The following TTC28 variants were observed in gnomAD, a reference collection of about 807,000 sequenced individuals.
TTC28 encodes tetratricopeptide repeat domain 28, also known as tetratricopeptide repeat protein 28.
In TTC28, 61 loss-of-function variants were observed where a neutral mutation model predicts 198.0. The ratio of observed to expected loss-of-function variants is 0.31; its 90% CI spans 0.25 to 0.38. TTC28 has a LOEUF of 0.38. Ranked by LOEUF, TTC28 falls within the 10% of genes least tolerant of loss-of-function variation. The probability of loss-of-function intolerance (pLI) is 1.00; values close to 1 mark genes in which losing one functional copy is unlikely to be tolerated. For synonymous variants in TTC28, 1,171 were observed against 1,297.8 expected (o/e 0.90, Z 2.10); for missense variants, 2,678 against 3,164.0 (o/e 0.85, Z 3.69).
At chr22:28,458,521 A>T (rs2047898314) in intron 2 of TTC28, among the ~76,000 whole-genome samples, 1 of 152,198 alleles carries the variant, frequency 6.6e-6, no homozygotes, top group African/African-American at 2.4e-5. Flanking sequence ...AAAACATCTA[A>T]GATATGTTCC....
intron 5 of TTC28, among the ~76,000 whole-genome samples, chr22:28,188,644 G>A (rs1473477044): frequency 1.3e-5 from 2 of 152,258 alleles, no homozygotes; most frequent in African/African-American, 2.4e-5. Flanking sequence ...GCCGTGGGGG[G>A]TCAGTGAAAG....
intron 5 of TTC28, among the ~76,000 whole-genome samples, chr22:28,276,913 A>C (rs929682755): frequency 6.6e-6 from 1 of 152,184 alleles, no homozygotes; most frequent in Non-Finnish European, 1.5e-5. Flanking sequence ...TAAAATACTT[A>C]TATTAGTATT....
chr22:28,498,085 C>G (rs2048480915), intron 2 of TTC28, among the ~76,000 whole-genome samples: 1 of 151,472 alleles, frequency 6.6e-6, no homozygotes, highest in Non-Finnish European at 1.5e-5. Context: ...GATTAGTATT[C>G]CATCTTAAAC....
intron 2 of TTC28, among the ~76,000 whole-genome samples, chr22:28,621,742 TAAAAAAA>T (rs771463983): frequency 2.4e-3 from 183 of 76,158 alleles, no homozygotes; most frequent in Non-Finnish European, 2.7e-3. Context: ...GACTGTCTCT[TAAAAAAA>T]AAAAAAAAAA....
intron 2 of TTC28, among the ~76,000 whole-genome samples, chr22:28,624,006 C>CA (rs926493920): frequency 2.1e-4 from 32 of 149,848 alleles, no homozygotes; most frequent in Non-Finnish European, 3.3e-4. Flanking sequence ...AAAGTAAATG[C>CA]AAAAAAAAGT....
At chr22:28,658,445 G>T (rs922696054) in intron 1 of TTC28, among the ~76,000 whole-genome samples, 3 of 152,008 alleles carry the variant, frequency 2.0e-5, no homozygotes, top group Non-Finnish European at 4.4e-5. Context: ...AATTGCTTTG[G>T]GTTCACAAAC....
chr22:28,672,973 A>G (rs1053974479), intron 1 of TTC28, among the ~76,000 whole-genome samples: 1 of 152,226 alleles, frequency 6.6e-6, no homozygotes, highest in African/African-American at 2.4e-5. Context: ...TAAATAATTG[A>G]TTGTAATGAG....
intron 5 of TTC28, among the ~76,000 whole-genome samples, chr22:28,233,431 A>G (rs1201424068): frequency 6.6e-6 from 1 of 152,158 alleles, no homozygotes; most frequent in Admixed American, 6.6e-5. Context: ...TTAATGTATT[A>G]TTTATACACT....
chr22:28,658,137 C>G (rs573542759), intron 1 of TTC28, among the ~76,000 whole-genome samples: 253 of 152,090 alleles, frequency 1.7e-3, no homozygotes, highest in African/African-American at 5.8e-3. Flanking sequence ...TTATTATGTA[C>G]AAAAAGTAAT....
chr22:28,584,255 T>C (rs2050277317), intron 2 of TTC28, among the ~76,000 whole-genome samples: 1 of 152,176 alleles, frequency 6.6e-6, no homozygotes, highest in Non-Finnish European at 1.5e-5. Flanking sequence ...TCCAACATAA[T>C]GACAAAAGTA....
rs2048139561 is a variant in TTC28 at position 28,474,772 on chromosome 22, C to A, written c.381+154780G>T. Among the ~76,000 whole-genome samples the A allele has an allele frequency of 1.3e-5, 2 of 152,098 alleles. 1 individual carries two copies. Among genetic ancestry groups the A allele is most frequent in the South Asian group, 4.1e-4 (2 of 4,826 alleles). ...ATTGGCCCTGCCCTTGCTCAGAGAG[C>A]TTGCATTAAGTTTTATTGTACCTCA... is the stretch of plus-strand genomic sequence containing the variant. On this transcript the variant is annotated intron_variant, in intron 2 of 22. Transcript: ENST00000397906.
intron 2 of TTC28, among the ~76,000 whole-genome samples, chr22:28,431,754 T>C (rs2047432743): frequency 6.6e-6 from 1 of 150,476 alleles, no homozygotes; most frequent in Non-Finnish European, 1.5e-5. Context: ...AAGGCAGGCA[T>C]ATCACTTGAG....
At chr22:28,126,425 C>T (rs1447588321) in intron 6 of TTC28, among the ~76,000 whole-genome samples, 1 of 152,200 alleles carries the variant, frequency 6.6e-6, no homozygotes. Context: ...ATCCTGCTCT[C>T]TACAATGGTT....
intron 2 of TTC28, among the ~76,000 whole-genome samples, chr22:28,528,618 C>G (rs1007587993): frequency 2.6e-5 from 4 of 151,174 alleles, no homozygotes; most frequent in Non-Finnish European, 5.9e-5. Context: ...CACTTGTAGT[C>G]CGAGCTACTC....
At chr22:28,315,506 GT>G (rs2045337582) in intron 2 of TTC28, among the ~76,000 whole-genome samples, 1 of 151,966 alleles carries the variant, frequency 6.6e-6, no homozygotes. Context: ...AATTCTTATA[GT>G]TTTACTTGTT....
At chr22:28,335,793 A>C (rs534197468) in intron 2 of TTC28, among the ~76,000 whole-genome samples, 2 of 152,296 alleles carry the variant, frequency 1.3e-5, no homozygotes, top group East Asian at 1.9e-4. Flanking sequence ...AACAGGGACA[A>C]TTTGACTTCC....
At chr22:28,644,331 G>A (rs11912125) in intron 1 of TTC28, among the ~76,000 whole-genome samples, 7,406 of 150,890 alleles carry the variant, frequency 0.049, 257 homozygotes, top group African/African-American at 0.093. Flanking sequence ...CCCAGGAGGC[G>A]GAGGTTGCAG....
chr22:28,619,366 T>G (rs1169730906), intron 2 of TTC28, among the ~76,000 whole-genome samples: 1 of 152,212 alleles, frequency 6.6e-6, no homozygotes, highest in African/African-American at 2.4e-5. Flanking sequence ...TGTCAAAGAC[T>G]TCAGCTAATA....
At position 28,207,111 on chromosome 22, in the gene TTC28, T is replaced by G. The variant is rs187910373; in HGVS notation, c.934-43512A>C. 7.9e-3 allele frequency among the ~76,000 whole-genome samples: 1,193 copies of G among 151,862 alleles called. 60 individuals carry two copies. Among genetic ancestry groups the G allele is most frequent in the Admixed American group, 0.071 (1,087 of 15,230 alleles). ...TGAGGATTATCTATCACCAAGGTTA[T>G]CTACAAATTGAATATAGTACCCTTA... On this transcript the variant is annotated intron_variant, in intron 5 of 22. Coordinates refer to ENST00000397906, the MANE Select transcript of TTC28 (RefSeq NM_001145418.2).
Sources: gnomAD v4.1 joint callset for allele counts (sites outside exome capture counted in the v4.1 genomes callset) on GRCh38, gnomAD v4.1.1 for gene constraint, MANE v1.5 for transcripts, NCBI Gene and HGNC (gene_info 2026-07-23, HGNC 2026-07-21) for gene names.